Variants in PACS2 observed in about 807,000 individuals in gnomAD.
PACS2 encodes PACS1-like protein.
A neutral mutation model predicts 113.0 loss-of-function variants in PACS2; 36 were observed. The ratio of observed to expected loss-of-function variants is 0.32; its 90% CI spans 0.24 to 0.42. PACS2 has a LOEUF of 0.42. PACS2 is among the 10% of genes least tolerant of loss of function. The pLI, the probability that PACS2 is intolerant of heterozygous loss-of-function variation, is 1.00. For missense variants in PACS2, 1,015 were observed against 1,239.5 expected (o/e 0.82, Z 2.72); for synonymous variants, 589 against 536.1 (o/e 1.10, Z -1.36).
chr14:105,392,908 C>T, intron 23 of PACS2, 63 bp downstream of exon 23: 4 of 1,333,262 alleles, frequency 3.0e-6, no homozygotes, highest in Non-Finnish European at 3.2e-6. Context: ...GAGAGGGCGG[C>T]TCGCAGTCAA....
At position 105,376,114 on chromosome 14, in the gene PACS2, G is replaced by C. The variant is rs1489654676; in HGVS notation, c.802-654G>C. On this transcript the variant is annotated intron_variant, in intron 8 of 24. Transcript: ENST00000447393. This position sits in a 1 kb window ranked among gnomAD's most constrained non-coding sequence, Gnocchi z 4.7. ...TCTTAAGATGTGCTCATTATCATGA[G>C]AACAGCGTGGAGGAAACCACCCCCA... 6.6e-6 allele frequency among the ~76,000 whole-genome samples: 1 copy of C among 152,118 alleles called. No homozygotes were observed. Among genetic ancestry groups the C allele is most frequent in the Non-Finnish European group, 1.5e-5 (1 of 68,018 alleles).
At chr14:105,318,421 C>T (rs1472771507) in intron 1 of PACS2, among the ~76,000 whole-genome samples, 4 of 152,180 alleles carry the variant, frequency 2.6e-5, no homozygotes, top group Non-Finnish European at 5.9e-5. Context: ...GCTGGGACTA[C>T]AGGTGTACAC....
At chr14:105,364,522 C>T (rs1174390426) in intron 4 of PACS2, among the ~76,000 whole-genome samples, 2 of 148,724 alleles carry the variant, frequency 1.3e-5, no homozygotes, top group African/African-American at 5.0e-5. Context: ...GGCCTGGGTG[C>T]GCGGTGGGCG....
At chr14:105,351,403 C>G (rs2060174027) in intron 2 of PACS2, among the ~76,000 whole-genome samples, 1 of 152,212 alleles carries the variant, frequency 6.6e-6, no homozygotes, top group Non-Finnish European at 1.5e-5. Context: ...ACTGTGTTTT[C>G]AGGTGCTCAT....
chr14:105,384,022 C>T (rs587619639), intron 16 of PACS2: 15 of 349,424 alleles, frequency 4.3e-5, no homozygotes, highest in African/African-American at 6.3e-5. Context: ...GGCCTGGAGG[C>T]GACACCTCTC....
In PACS2 at chr14:105,329,366, C is replaced by T. The variant is rs1446510249; in HGVS notation, c.119+14329C>T. Among the ~76,000 whole-genome samples, 1 of 152,202 alleles carries T rather than the reference C, an allele frequency of 6.6e-6. No individual in the cohort carries two copies. Among genetic ancestry groups the T allele is most frequent in the Non-Finnish European group, 1.5e-5 (1 of 68,038 alleles). ...AGATTTGCTCCCTGGCAACTGTTGC[C>T]TTTCCCAGAAGAGAAGTCCCTGGAA... On this transcript the variant is annotated intron_variant, in intron 1 of 24. Transcript: ENST00000447393. This position sits in a 1 kb window ranked among gnomAD's most constrained non-coding sequence, Gnocchi z 6.4.
chr14:105,373,765 C>T (rs1324590912), intron 8 of PACS2, among the ~76,000 whole-genome samples: 1 of 150,930 alleles, frequency 6.6e-6, no homozygotes, highest in Non-Finnish European at 1.5e-5. Flanking sequence ...TCCACCTGGG[C>T]AACCAGAGTG....
At chr14:105,369,769 C>T (rs1555408876) in intron 7 of PACS2, 72 bp from the exon 8 acceptor site, 23 of 1,373,886 alleles carry the variant, frequency 1.7e-5, no homozygotes, top group Non-Finnish European at 1.6e-5. Context: ...CGGCCTGGGC[C>T]TGAGGAAGGG....
rs2060976161 is a variant in PACS2, at chr14:105,367,356, C to T, written c.567C>T (p.Gly189=). The change falls in exon 5 of 25, where the codon GGC becomes GGT. Residue 189 remains glycine, a synonymous_variant. Transcript: ENST00000447393. ...IDHEDSTMQA[G]PKAKSTDNYS... ...ACGAAGACAGCACCATGCAGGCCGGCCCCAAGGCCAAGTCCACGGGTGAGT... is the reference window on the plus strand; with the variant it reads ...ACGAAGACAGCACCATGCAGGCCGGTCCCAAGGCCAAGTCCACGGGTGAGT... The T allele has an allele frequency of 6.2e-7, 1 of 1,613,170 alleles. No homozygotes were observed. The highest frequency in any genetic ancestry group is 8.5e-7 in the Non-Finnish European group (1 of 1,179,976).
intron 16 of PACS2, 98 bp downstream of exon 16, chr14:105,383,611 G>T: frequency 8.2e-7 from 1 of 1,212,188 alleles, no homozygotes; most frequent in Non-Finnish European, 1.1e-6. Flanking sequence ...GTTGTGTGGC[G>T]TGGCGTGGCG....
intron 17 of PACS2, 58 bp downstream of exon 17, chr14:105,384,521 C>T: frequency 9.1e-7 from 1 of 1,096,226 alleles, no homozygotes; most frequent in Admixed American, 1.9e-5. Context: ...GCCCCGGTTT[C>T]CCCAGATGCT....
intron 1 of PACS2, among the ~76,000 whole-genome samples, chr14:105,344,516 A>G (rs1288282491): frequency 6.6e-6 from 1 of 152,182 alleles, no homozygotes; most frequent in Non-Finnish European, 1.5e-5. Flanking sequence ...TTCTAGGGAA[A>G]TGAAAATTGG....
intron 1 of PACS2, among the ~76,000 whole-genome samples, chr14:105,342,230 C>CTCTGTGTGTGTGTG (rs1491393178): frequency 1.0e-4 from 14 of 140,246 alleles, no homozygotes; most frequent in African/African-American, 3.7e-4. Context: ...AAGCTGCTGC[C>CTCTGTGTGTGTGTG]TGTGTGTGTG....
rs78838193 is a variant in PACS2 at position 105,385,052 on chromosome 14, C to T, written c.2000+65C>T. The T allele has an allele frequency of 4.1e-3, 4,126 of 1,010,572 alleles. 73 individuals are homozygous for T. In the African/African-American group the frequency reaches 0.048, roughly 12 times the overall value. The allele number at this position is 1,010,572 out of a possible 1,614,324, so 62.6% of individuals were successfully genotyped here. Reference sequence around the variant, plus strand: ...CCAGCCACCAACCCTCCGTGGGCCTCCCCACCCGCTGCTGGGCTTGGCCTG... The same window carrying T: ...CCAGCCACCAACCCTCCGTGGGCCTTCCCACCCGCTGCTGGGCTTGGCCTG... On this transcript the variant is annotated intron_variant, in intron 18 of 24. Transcript: ENST00000447393.
At chr14:105,309,532 T>C (rs587604935), upstream of PACS2, among the ~76,000 whole-genome samples, 1 of 152,334 alleles carries the variant, frequency 6.6e-6, no homozygotes, top group African/African-American at 2.4e-5. The surrounding 1 kb of genome is among the most constrained non-coding windows in gnomAD (Gnocchi z 4.0). Context: ...CCTGTTGACA[T>C]TTCCAGTGTC....
chr14:105,307,316 C>T (rs1266931850), intron 1 of PACS2, among the ~76,000 whole-genome samples: 1 of 152,180 alleles, frequency 6.6e-6, no homozygotes, highest in African/African-American at 2.4e-5. Flanking sequence ...CACCCCAAGG[C>T]CAGGTACCAG....
At chr14:105,361,560 C>T (rs1165081770) in intron 4 of PACS2, among the ~76,000 whole-genome samples, 3 of 152,216 alleles carry the variant, frequency 2.0e-5, no homozygotes, top group African/African-American at 4.8e-5. Context: ...TCGGTTGAAC[C>T]TGGGAGGCGG....
rs782518840 is a variant in PACS2 at position 105,395,658 on chromosome 14, C to G, written c.*986C>G. 6.6e-6 allele frequency: 1 copy of G among 152,414 alleles called. No individual in the cohort carries two copies. Among genetic ancestry groups the G allele is most frequent in the Non-Finnish European group, 1.5e-5 (1 of 68,084 alleles). 9.4% of individuals were successfully genotyped at this position (152,414 alleles called of 1,614,324 possible). ...ACGCTGTAGCCAATGAAGATTCCAG[C>G]GGGATGGCCTGACCAGCGGGGCCGG... On this transcript the variant is annotated 3_prime_UTR_variant, in exon 25 of 25. Coordinates refer to ENST00000447393, the MANE Select transcript of PACS2 (RefSeq NM_001100913.3).
chr14:105,381,453 T>C (rs2080991711), intron 12 of PACS2, among the ~76,000 whole-genome samples: 1 of 152,354 alleles, frequency 6.6e-6, no homozygotes, highest in Non-Finnish European at 1.5e-5. Context: ...TTCTGTGATA[T>C]TTGGGACTTT....
Sources: allele counts gnomAD v4.1 joint callset (sites outside exome capture counted in the v4.1 genomes callset), GRCh38; gene constraint gnomAD v4.1.1; non-coding constraint Gnocchi (gnomAD v3.1); transcripts MANE v1.5; gene names NCBI Gene and HGNC (gene_info 2026-07-23, HGNC 2026-07-21).